The following CCDC174 variants were observed in gnomAD, a reference collection of about 807,000 sequenced individuals.
The protein encoded by CCDC174 is coiled-coil domain-containing protein 174.
A neutral mutation model predicts 57.1 loss-of-function variants in CCDC174; 37 were observed. The observed-to-expected ratio is 0.65, with a 90% CI of 0.50 to 0.85. The LOEUF is 0.85. Ranked by LOEUF, CCDC174 falls within the 40% of genes least tolerant of loss-of-function variation. The pLI is 0.00. For missense variants in CCDC174, 540 were observed against 574.3 expected (o/e 0.94, Z 0.61); for synonymous variants, 182 against 190.2 (o/e 0.96, Z 0.35).
chr3:14,670,097 T>G lies in CCDC174; in HGVS notation c.1105+11T>G. The G allele has an allele frequency of 6.2e-7, 1 of 1,603,368 alleles. No individual in the cohort carries two copies. The highest frequency in any genetic ancestry group is 8.5e-7 in the Non-Finnish European group (1 of 1,177,184). On this transcript the variant is annotated intron_variant, in intron 10 of 10. Coordinates refer to ENST00000383794, the MANE Select transcript of CCDC174 (RefSeq NM_016474.5). The stretch of plus-strand genomic sequence containing the variant: ...GGGACCGCGGAAAAGGTAAGGGAGG[T>G]GGGCTCTGAGGTGTAAGAACTCTCC...
Position 14,661,723 on chromosome 3 carries a change from G to C in CCDC174, c.485+16G>C. On this transcript the variant is annotated intron_variant, in intron 5 of 10. Transcript: ENST00000383794. The stretch of plus-strand genomic sequence containing the variant: ...GTGAAGAATGGTTGGTAACATCATG[G>C]ATTAGCTCAGAGGAACATCCTCAGA... The C allele has an allele frequency of 6.2e-7, 1 of 1,600,496 alleles. No homozygotes were observed. The highest frequency in any genetic ancestry group is 8.5e-7 in the Non-Finnish European group (1 of 1,174,220).
chr3:14,667,216 A>G (rs189216955), intron 7 of CCDC174: 2 of 620,060 alleles, frequency 3.2e-6, no homozygotes, highest in East Asian at 5.5e-5. Flanking sequence ...AACCCTTGTT[A>G]TGCTTCCCTT....
chr3:14,667,327 T>G, intron 7 of CCDC174, 97 bp from the exon 8 acceptor site: 1 of 909,730 alleles, frequency 1.1e-6, no homozygotes, highest in Non-Finnish European at 1.8e-6. Flanking sequence ...GTGCCAAATA[T>G]CACTGTGTTT....
Position 14,666,824 on chromosome 3 carries a change from G to GA in CCDC174, c.607dup (p.Thr203AsnfsTer5). 5 of 1,581,778 alleles carry GA rather than the reference G, an allele frequency of 3.2e-6. No homozygotes were observed. The highest frequency in any genetic ancestry group is 1.2e-5 in the South Asian group (1 of 85,156). ...TGCTAGTTTTATTAGTCCTGCTAAT[G>GA]AAAAAACCCTATTATCTGAAGATAT... On this transcript the variant is annotated frameshift_variant, in exon 7 of 11. Transcript: ENST00000383794. LOFTEE classifies it high-confidence loss of function.
intron 5 of CCDC174, among the ~76,000 whole-genome samples, chr3:14,663,126 T>C (rs2124841341): frequency 6.6e-6 from 1 of 152,324 alleles, no homozygotes; most frequent in East Asian, 1.9e-4. Context: ...TGATCATGGC[T>C]CATCACAGCC....
chr3:14,658,807 G>A (rs2031037777), intron 3 of CCDC174, 64 bp from the exon 4 acceptor site: 4 of 1,493,634 alleles, frequency 2.7e-6, no homozygotes, highest in Admixed American at 1.9e-5. Context: ...GGCAGGGAGT[G>A]TGGGGGCAAC....
chr3:14,654,843 T>C (rs1197125133), intron 2 of CCDC174, among the ~76,000 whole-genome samples: 1 of 152,222 alleles, frequency 6.6e-6, no homozygotes, highest in Non-Finnish European at 1.5e-5. Flanking sequence ...AATTAGATAA[T>C]ATAGGAATAT....
rs554784583 is a variant in CCDC174 at position 14,655,037 on chromosome 3, C to T, written c.148-492C>T. Among the ~76,000 whole-genome samples the T allele has an allele frequency of 4.6e-5, 7 of 152,330 alleles. No homozygotes were observed. In the South Asian group the frequency reaches 1.2e-3, roughly 27 times the overall value. ...TTCTGCACTCAGGAAGCTCTTTAGG[C>T]TGGGCGTGGTTCCCACGCCTCTAAT... On this transcript the variant is annotated intron_variant, in intron 2 of 10. Coordinates refer to ENST00000383794, the MANE Select transcript of CCDC174 (RefSeq NM_016474.5).
rs1262906194 is a variant in CCDC174, at chr3:14,671,124, C to A, written c.1334C>A (p.Pro445Gln). ...HTSPTPAPDNPPQAPTVTFKT... is the reference protein window; with the variant it reads ...HTSPTPAPDNQPQAPTVTFKT... The stretch of plus-strand genomic sequence containing the variant: ...TCACCCACTCCTGCCCCCGACAACC[C>A]ACCACAAGCCCCCACAGTTACTTTC... Residue 445 changes from proline (P) to glutamine (Q), a missense_variant, in exon 11 of 11, where the codon CCA becomes CAA. By Grantham distance (76) the Pro-to-Gln change is moderately conservative. Transcript: ENST00000383794. 12 of 1,614,048 alleles carry A rather than the reference C, an allele frequency of 7.4e-6. No individual in the cohort carries two copies. The South Asian group carries it at 1.3e-4, about 18-fold the overall frequency.
At chr3:14,666,761 T>G in intron 6 of CCDC174, 44 bp from the exon 7 acceptor site, 1 of 1,507,354 alleles carries the variant, frequency 6.6e-7, no homozygotes, top group Admixed American at 2.3e-5. Flanking sequence ...CACTGATATC[T>G]CAATCCTTAT....
rs570083754 is a variant in CCDC174, at chr3:14,667,962, T to C, written c.820-87T>C. 2.9e-5 allele frequency: 39 copies of C among 1,343,626 alleles called. No individual in the cohort carries two copies. In the African/African-American group the frequency reaches 5.7e-4, roughly 20 times the overall value. The allele number at this position is 1,343,626 out of a possible 1,614,324, so 83.2% of individuals were successfully genotyped here. ...GGTGGCCTGAAGATCAATTAACTAG[T>C]CTATTTTTAGAAGAAAATTTCATCT... On this transcript the variant is annotated intron_variant, in intron 8 of 10. Coordinates refer to ENST00000383794, the MANE Select transcript of CCDC174 (RefSeq NM_016474.5).
At chr3:14,667,554 G>A (rs1435395973) in intron 8 of CCDC174, 36 bp downstream of exon 8, 4 of 1,509,284 alleles carry the variant, frequency 2.7e-6, no homozygotes, top group Non-Finnish European at 1.8e-6. Context: ...GAGGAAAGAT[G>A]TGAGCGCTTG....
intron 1 of CCDC174, among the ~76,000 whole-genome samples, chr3:14,653,854 C>G (rs748818930): frequency 3.3e-5 from 5 of 152,244 alleles, no homozygotes; most frequent in Non-Finnish European, 5.9e-5. Context: ...TCTGATCACT[C>G]TGCTCAGAAG....
At chr3:14,664,997 CCTT>C (rs778381885) in intron 5 of CCDC174, 28 bp from the exon 6 acceptor site, 2 of 1,519,736 alleles carry the variant, frequency 1.3e-6, no homozygotes, top group Admixed American at 1.7e-5. Context: ...GTGTACAAGT[CCTT>C]CTTCACATCT....
intron 3 of CCDC174, among the ~76,000 whole-genome samples, chr3:14,656,549 T>C (rs1047838705): frequency 2.0e-5 from 3 of 152,228 alleles, no homozygotes; most frequent in South Asian, 4.1e-4. Context: ...TGAGTCGTTA[T>C]TGGTGTTGAT....
In CCDC174 at chr3:14,670,184, C is replaced by T; in HGVS notation, c.1105+98C>T. 3.3e-6 allele frequency: 4 copies of T among 1,226,918 alleles called. No individual in the cohort carries two copies. In the South Asian group the frequency reaches 4.3e-5, roughly 13 times the overall value. 76.0% of individuals were successfully genotyped at this position (1,226,918 alleles called of 1,614,324 possible). ...GGGGTAAGTTTTAACTTCGTGCTGC[C>T]TTGTGTGGTTTTACAGCTTTGGAAT... On this transcript the variant is annotated intron_variant, in intron 10 of 10. Transcript: ENST00000383794.
chr3:14,652,472 C>T (rs945980824), intron 1 of CCDC174, among the ~76,000 whole-genome samples: 1 of 152,204 alleles, frequency 6.6e-6, no homozygotes. Context: ...ACATTTTGTG[C>T]CAGCACTTTA....
chr3:14,652,173 C>G (rs910917033), intron 1 of CCDC174, among the ~76,000 whole-genome samples: 1 of 152,166 alleles, frequency 6.6e-6, no homozygotes, highest in Non-Finnish European at 1.5e-5. Flanking sequence ...TCTGCCCTGC[C>G]CACAAGGACC....
chr3:14,669,309 A>G (rs1211311000), intron 9 of CCDC174, among the ~76,000 whole-genome samples: 1 of 152,222 alleles, frequency 6.6e-6, no homozygotes, highest in Non-Finnish European at 1.5e-5. Flanking sequence ...TTTGAAAACC[A>G]TCTGTTTAGT....
Sources: gnomAD v4.1 joint callset for allele counts (sites outside exome capture counted in the v4.1 genomes callset) on GRCh38, gnomAD v4.1.1 for gene constraint, MANE v1.5 for transcripts, NCBI Gene and HGNC (gene_info 2026-07-23, HGNC 2026-07-21) for gene names.